RNF38: variants seen among roughly 807,000 people sequenced by gnomAD.
RNF38 encodes the protein ring finger protein 38, also known as E3 ubiquitin-protein ligase RNF38.
In RNF38, 15 loss-of-function variants were observed where a neutral mutation model predicts 67.2. The observed-to-expected ratio is 0.22, with a 90% CI of 0.15 to 0.34. The LOEUF is 0.34. Among genes scored for constraint, RNF38 ranks in the 10% least tolerant of loss-of-function variants. The pLI, the probability that RNF38 is intolerant of heterozygous loss-of-function variation, is 1.00. For synonymous variants in RNF38, 220 were observed against 218.8 expected (o/e 1.01, Z -0.05); for missense variants, 524 against 639.9 (o/e 0.82, Z 1.95).
chr9:36,421,876 G>A (rs1838638201), intron 2 of RNF38, among the ~76,000 whole-genome samples: 1 of 152,030 alleles, frequency 6.6e-6, no homozygotes, highest in Non-Finnish European at 1.5e-5. Flanking sequence ...GTAGCGATCT[G>A]ATTTTTAAAT....
chr9:36,406,040 C>A (rs1027281437), upstream of RNF38, among the ~76,000 whole-genome samples: 1 of 152,218 alleles, frequency 6.6e-6, no homozygotes, highest in Non-Finnish European at 1.5e-5. Flanking sequence ...TATCCCTCTA[C>A]ACACTTGTAT....
At chr9:36,441,767 G>A (rs1251243829) in intron 1 of RNF38, among the ~76,000 whole-genome samples, 3 of 152,078 alleles carry the variant, frequency 2.0e-5, no homozygotes, top group African/African-American at 7.2e-5. Flanking sequence ...GCTTGCTTTG[G>A]GAAGTTAACA....
At chr9:36,476,357 C>A (rs1179590020) in intron 1 of RNF38, among the ~76,000 whole-genome samples, 1 of 152,060 alleles carries the variant, frequency 6.6e-6, no homozygotes, top group Non-Finnish European at 1.5e-5. Context: ...GGTGATCCGC[C>A]CGCCTCAGCC....
At chr9:36,349,859 T>G (rs1476193695) in intron 9 of RNF38, among the ~76,000 whole-genome samples, 1 of 152,208 alleles carries the variant, frequency 6.6e-6, no homozygotes, top group Admixed American at 6.5e-5. Context: ...CCAACATTTC[T>G]TTTTTCTTTT....
chr9:36,346,828 A>C (rs1833273421), intron 9 of RNF38, among the ~76,000 whole-genome samples: 1 of 152,140 alleles, frequency 6.6e-6, no homozygotes, highest in African/African-American at 2.4e-5. Context: ...ATAGAAAGTA[A>C]ATTGCCAGGC....
chr9:36,343,498 G>GAAAACACACTCAAGATCATTAGCCATCA (rs1832996071), intron 10 of RNF38, among the ~76,000 whole-genome samples: 1 of 152,042 alleles, frequency 6.6e-6, no homozygotes, highest in Admixed American at 6.6e-5. Flanking sequence ...AGTAGCACAT[G>GAAAACACACTCAAGATCATTAGCCATCA]AAAACACACT....
At chr9:36,480,778 G>C (rs532898331) in intron 1 of RNF38, among the ~76,000 whole-genome samples, 1 of 150,476 alleles carries the variant, frequency 6.6e-6, no homozygotes, top group African/African-American at 2.4e-5. Flanking sequence ...TCTCAAACTC[G>C]AGCTCAAGTT....
rs1219457445 is a variant in RNF38 at position 36,338,660 on chromosome 9, G to C, written c.*1092C>G. Reference sequence around the variant, plus strand: ...AAGCTGAATTAACAGGTTTTGTTCTGGTGGAAGTCAACAAGGTGAGACTTC... The same window carrying C: ...AAGCTGAATTAACAGGTTTTGTTCTCGTGGAAGTCAACAAGGTGAGACTTC... On this transcript the variant is annotated 3_prime_UTR_variant, in exon 12 of 12. Transcript: ENST00000259605. 6.6e-6 allele frequency: 1 copy of C among 152,368 alleles called. No individual in the cohort carries two copies. Among genetic ancestry groups the C allele is most frequent in the Admixed American group, 6.6e-5 (1 of 15,258 alleles). The allele number at this position is 152,368 out of a possible 1,614,324, so 9.4% of individuals were successfully genotyped here.
intron 1 of RNF38, among the ~76,000 whole-genome samples, chr9:36,471,748 G>A (rs1268679334): frequency 6.6e-6 from 1 of 152,176 alleles, no homozygotes; most frequent in Non-Finnish European, 1.5e-5. Context: ...GAATTTATGA[G>A]TTGCACATAA....
intron 1 of RNF38, among the ~76,000 whole-genome samples, chr9:36,443,126 T>G (rs1839230969): frequency 6.6e-6 from 1 of 152,238 alleles, no homozygotes; most frequent in Admixed American, 6.5e-5. Context: ...AACGTTATTT[T>G]TAAGTATCAT....
chr9:36,367,788 T>C (rs1835090956), intron 4 of RNF38, among the ~76,000 whole-genome samples: 1 of 152,222 alleles, frequency 6.6e-6, no homozygotes, highest in South Asian at 2.1e-4. Context: ...GAAGCTATCT[T>C]TTTCTATGAT....
intron 1 of RNF38, among the ~76,000 whole-genome samples, chr9:36,434,130 G>T (rs1002234463): frequency 2.7e-5 from 4 of 150,214 alleles, no homozygotes; most frequent in African/African-American, 9.8e-5. Context: ...CAGCTACTTG[G>T]GAGACTGAGG....
intron 1 of RNF38, among the ~76,000 whole-genome samples, chr9:36,393,477 T>TGTGTGTG (rs1554689571): frequency 2.0e-3 from 179 of 87,772 alleles, no homozygotes; most frequent in African/African-American, 4.6e-3. Context: ...CACACACACA[T>TGTGTGTG]TGTGTGTGTG....
At chr9:36,349,627 T>C (rs1209856217) in intron 9 of RNF38, among the ~76,000 whole-genome samples, 2 of 152,182 alleles carry the variant, frequency 1.3e-5, no homozygotes, top group Non-Finnish European at 2.9e-5. Context: ...TTTAGTTCAA[T>C]GTAGTCCTAG....
chr9:36,347,141 G>C (rs1374612837), intron 9 of RNF38, among the ~76,000 whole-genome samples: 920 of 41,994 alleles, frequency 0.022, 55 homozygotes, highest in Non-Finnish European at 0.029. Context: ...GGGGGGGGGG[G>C]GGGGGGGGAA....
intron 1 of RNF38, among the ~76,000 whole-genome samples, chr9:36,447,617 G>A (rs865872837): frequency 3.3e-5 from 5 of 152,040 alleles, no homozygotes; most frequent in Admixed American, 6.6e-5. Context: ...ATAAGCCACC[G>A]AAGAAGCCTA....
intron 2 of RNF38, among the ~76,000 whole-genome samples, chr9:36,386,596 G>A (rs1021956601): frequency 2.0e-5 from 3 of 152,106 alleles, no homozygotes; most frequent in African/African-American, 7.2e-5. Context: ...ATCACGTTAG[G>A]CATTCTGAGT....
At chr9:36,404,917 T>TC (rs940221578), upstream of RNF38, among the ~76,000 whole-genome samples, 5 of 151,544 alleles carry the variant, frequency 3.3e-5, no homozygotes, top group African/African-American at 7.3e-5. Flanking sequence ...GTAGTTTTGT[T>TC]TTTTTTTAAG....
rs1303940974 is a variant in RNF38, at chr9:36,348,344, G to C, written c.1263+2771C>G. On this transcript the variant is annotated intron_variant, in intron 9 of 11. Transcript: ENST00000259605. Reference sequence around the variant, plus strand: ...AAAAATTAGCCAAGTGTGGTGGCATGTATCTACTGTCCCAGCTACTTAGGA... The same window carrying C: ...AAAAATTAGCCAAGTGTGGTGGCATCTATCTACTGTCCCAGCTACTTAGGA... 2.0e-5 allele frequency among the ~76,000 whole-genome samples: 3 copies of C among 152,002 alleles called. 1 individual carries two copies. Among genetic ancestry groups the C allele is most frequent in the African/African-American group, 7.3e-5 (3 of 41,368 alleles).
Sources: gnomAD v4.1 joint callset for allele counts (sites outside exome capture counted in the v4.1 genomes callset) on GRCh38, gnomAD v4.1.1 for gene constraint, MANE v1.5 for transcripts, NCBI Gene and HGNC (gene_info 2026-07-23, HGNC 2026-07-21) for gene names.